Variants in APCDD1L observed in about 807,000 individuals in gnomAD.
APCDD1L encodes the protein APC down-regulated 1 like, also known as protein APCDD1-like.
APCDD1L carries 21 observed loss-of-function variants against 24.2 expected under a neutral mutation model. The ratio of observed to expected loss-of-function variants is 0.87; its 90% CI spans 0.61 to 1.25. The LOEUF (loss-of-function observed/expected upper bound fraction) is 1.25. Among genes scored for constraint, APCDD1L ranks in the 50% most tolerant of loss-of-function variants. The pLI is 0.00. For synonymous variants in APCDD1L, 321 were observed against 323.6 expected, an observed-to-expected ratio of 0.99 and a Z score of 0.09; for missense variants, 704 against 711.7, an observed-to-expected ratio of 0.99 and a Z score of 0.12.
At chr20:58,464,546 G>C (rs80321710) in intron 3 of APCDD1L, among the ~76,000 whole-genome samples, 1 of 152,162 alleles carries the variant, frequency 6.6e-6, no homozygotes, top group East Asian at 1.9e-4. Flanking sequence ...ACTCTTACTC[G>C]TTTAAGCCTG....
At position 58,467,015 on chromosome 20, in the gene APCDD1L, C is replaced by T. The variant is rs1989718141; in HGVS notation, c.741+91G>A. The T allele has an allele frequency of 6.8e-7, 1 of 1,468,000 alleles. No individual in the cohort carries two copies. The highest frequency in any genetic ancestry group is 9.0e-7 in the Non-Finnish European group (1 of 1,110,222). 90.9% of individuals were successfully genotyped at this position (1,468,000 alleles called of 1,614,324 possible). A position where few individuals can be genotyped will look rare whatever the true frequency, so the allele number is the denominator to read the frequency against. On this transcript the variant is annotated intron_variant, in intron 3 of 3. Coordinates refer to ENST00000371149, the MANE Select transcript of APCDD1L (RefSeq NM_153360.3). The surrounding 1 kb of genome is among the most constrained non-coding windows in gnomAD (Gnocchi z 5.9). ...CCGGGCAGCCAGAGCCCTGGGCAGG[C>T]CCAGGTCTTGCAAAGCTGCGGGGCT...
intron 1 of APCDD1L, among the ~76,000 whole-genome samples, chr20:58,507,451 T>A (rs1476556223): frequency 6.6e-6 from 1 of 151,998 alleles, no homozygotes; most frequent in Non-Finnish European, 1.5e-5. Context: ...TTCTCTGAGG[T>A]AAGTTGGTCT....
rs1426477286 is a variant in APCDD1L at position 58,460,019 on chromosome 20, C to A, written c.*771G>T. The A allele has an allele frequency of 6.6e-6, 1 of 152,354 alleles. No homozygotes were observed. The highest frequency in any genetic ancestry group is 6.5e-5 in the Admixed American group (1 of 15,288). The allele number at this position is 152,354 out of a possible 1,614,324, so 9.4% of individuals were successfully genotyped here. ...TGCCTGGGCCAGGAAGGCTTGGAGG[C>A]CGCAGGCTGCTCTGGGGAGGCCATG... On this transcript the variant is annotated 3_prime_UTR_variant, in exon 4 of 4. Transcript: ENST00000371149. The surrounding 1 kb of genome is among the most constrained non-coding windows in gnomAD (Gnocchi z 4.2).
chr20:58,510,282 G>C (rs1990601893), intron 1 of APCDD1L, among the ~76,000 whole-genome samples: 1 of 152,196 alleles, frequency 6.6e-6, no homozygotes, highest in Admixed American at 6.5e-5. Flanking sequence ...ACATACACAG[G>C]AGGGCACACA....
intron 3 of APCDD1L, among the ~76,000 whole-genome samples, chr20:58,463,920 A>G (rs1436873578): frequency 7.8e-6 from 1 of 127,484 alleles, no homozygotes; most frequent in Non-Finnish European, 1.7e-5. Context: ...CACATTTTAT[A>G]AGCTGTTATT....
rs1386638606 is a variant in APCDD1L, at chr20:58,460,103, T to A, written c.*687A>T. On this transcript the variant is annotated 3_prime_UTR_variant, in exon 4 of 4. Transcript: ENST00000371149. The surrounding 1 kb of genome is among the most constrained non-coding windows in gnomAD (Gnocchi z 4.2). ...CATGCTGGCCCGGGAAAACTGGATT[T>A]ATCCACATGCAGTGTTGGCAGCTTG... 1 of 152,194 alleles carries A rather than the reference T, an allele frequency of 6.6e-6. No homozygotes were observed. The highest frequency in any genetic ancestry group is 2.4e-5 in the African/African-American group (1 of 41,414). The allele number at this position is 152,194 out of a possible 1,614,324, so 9.4% of individuals were successfully genotyped here.
rs115590471 is a variant in APCDD1L, at chr20:58,497,878, C to T, written c.49+16781G>A. Among the ~76,000 whole-genome samples, 141 of 152,292 alleles carry T rather than the reference C, an allele frequency of 9.3e-4. No individual in the cohort carries two copies. Among genetic ancestry groups the T allele is most frequent in the Middle Eastern group, 6.8e-3 (2 of 294 alleles). On this transcript the variant is annotated intron_variant, in intron 1 of 3. Transcript: ENST00000371149. The surrounding 1 kb of genome is among the most constrained non-coding windows in gnomAD (Gnocchi z 4.3). Reference sequence around the variant, plus strand: ...AAAAGCTAAGTCTCATGCAGAGAAGCAGAATTCCCTGTACACACACCTCAA... The same window carrying T: ...AAAAGCTAAGTCTCATGCAGAGAAGTAGAATTCCCTGTACACACACCTCAA...
rs1990708936 is a variant in APCDD1L, at chr20:58,514,809, C to T, written c.-102G>A. 6.2e-6 allele frequency: 6 copies of T among 970,150 alleles called. No homozygotes were observed. The highest frequency in any genetic ancestry group is 3.4e-5 in the East Asian group (1 of 29,812). 60.1% of individuals were successfully genotyped at this position (970,150 alleles called of 1,614,324 possible). On this transcript the variant is annotated 5_prime_UTR_variant, in exon 1 of 4. Coordinates refer to ENST00000371149, the MANE Select transcript of APCDD1L (RefSeq NM_153360.3). ...ACGGCTGCGGGCGCCGGCGGCCAGG[C>T]TGGAGTCCTGCGAAGAAGTTGCGAG...
At position 58,467,155 on chromosome 20, in the gene APCDD1L, C is replaced by G. The variant is rs1422616285; in HGVS notation, c.692G>C (p.Arg231Thr). ...GTAGCCCGTGGGCCGGTAGTGCCGC[C>G]TCTCCGCCGGGTCGGTGTGGATGTC... ...LGDIHTDPAE[R>T]RHYRPTGYQR... The change falls in exon 3 of 4, where the codon AGG becomes ACG. Residue 231 changes from arginine (R) to threonine (T), a missense_variant. Physicochemically the swap from Arg to Thr is moderately conservative, Grantham distance 71 (BLOSUM62 -1). Coordinates refer to ENST00000371149, the MANE Select transcript of APCDD1L (RefSeq NM_153360.3). This position sits in a 1 kb window ranked among gnomAD's most constrained non-coding sequence, Gnocchi z 5.9. 1.9e-6 allele frequency: 3 copies of G among 1,608,178 alleles called. No homozygotes were observed. The highest frequency in any genetic ancestry group is 2.5e-6 in the Non-Finnish European group (3 of 1,179,554).
At chr20:58,506,745 T>G (rs1990533786) in intron 1 of APCDD1L, among the ~76,000 whole-genome samples, 1 of 152,230 alleles carries the variant, frequency 6.6e-6, no homozygotes, top group Non-Finnish European at 1.5e-5. Flanking sequence ...GTCTGTGGTC[T>G]TCTACTGCAA....
chr20:58,485,972 C>G, intron 1 of APCDD1L, among the ~76,000 whole-genome samples: 1 of 152,114 alleles, frequency 6.6e-6, no homozygotes, highest in African/African-American at 2.4e-5. Flanking sequence ...CCCCTGGCTC[C>G]TGGGAGAAGC....
At chr20:58,511,268 C>T (rs1040841547) in intron 1 of APCDD1L, among the ~76,000 whole-genome samples, 1 of 152,320 alleles carries the variant, frequency 6.6e-6, no homozygotes, top group Non-Finnish European at 1.5e-5. Flanking sequence ...TCTCAAGAGC[C>T]CCCCAACTCA....
chr20:58,486,845 G>T (rs1296715781), intron 1 of APCDD1L, among the ~76,000 whole-genome samples: 1 of 146,102 alleles, frequency 6.8e-6, no homozygotes, highest in Non-Finnish European at 1.5e-5. Flanking sequence ...AAAATTTACT[G>T]GAGGGAAGGT....
chr20:58,501,448 G>T (rs563038247), intron 1 of APCDD1L, among the ~76,000 whole-genome samples: 1 of 152,182 alleles, frequency 6.6e-6, no homozygotes, highest in African/African-American at 2.4e-5. Context: ...AATAATGGCC[G>T]TAGAGGGCAC....
intron 3 of APCDD1L, among the ~76,000 whole-genome samples, chr20:58,464,757 G>A (rs1989675861): frequency 6.6e-6 from 1 of 152,184 alleles, no homozygotes; most frequent in Non-Finnish European, 1.5e-5. Context: ...TCGTGGGCAA[G>A]GCGTGGGCCC....
At chr20:58,488,877 G>A (rs1990171237) in intron 1 of APCDD1L, among the ~76,000 whole-genome samples, 1 of 152,066 alleles carries the variant, frequency 6.6e-6, no homozygotes, top group Non-Finnish European at 1.5e-5. Context: ...TAATAAAATA[G>A]AAAACAAAGC....
chr20:58,459,229 C>G lies in APCDD1L; in HGVS notation c.*1561G>C, dbSNP rs1989549629. Reference sequence around the variant, plus strand: ...TCATCGACACCCACTGCCATCCCCACCAGGAGCTCCCCCAACCCTGATGTA... The same window carrying G: ...TCATCGACACCCACTGCCATCCCCAGCAGGAGCTCCCCCAACCCTGATGTA... On this transcript the variant is annotated 3_prime_UTR_variant, in exon 4 of 4. Coordinates refer to ENST00000371149, the MANE Select transcript of APCDD1L (RefSeq NM_153360.3). The G allele has an allele frequency of 6.6e-6, 1 of 152,234 alleles. No individual in the cohort carries two copies. Among genetic ancestry groups the G allele is most frequent in the South Asian group, 2.1e-4 (1 of 4,828 alleles). The allele number at this position is 152,234 out of a possible 1,614,324, so 9.4% of individuals were successfully genotyped here.
intron 1 of APCDD1L, among the ~76,000 whole-genome samples, chr20:58,493,357 A>G (rs1259638661): frequency 2.0e-5 from 3 of 152,240 alleles, no homozygotes; most frequent in African/African-American, 7.2e-5. Flanking sequence ...CATGACTGTG[A>G]TTTTGGTAAC....
At chr20:58,496,537 G>A (rs928949869) in intron 1 of APCDD1L, among the ~76,000 whole-genome samples, 2 of 152,274 alleles carry the variant, frequency 1.3e-5, no homozygotes, top group African/African-American at 2.4e-5. Context: ...CCTGGGAAGC[G>A]ACAGGGGAGA....
Sources: allele counts gnomAD v4.1 joint callset (sites outside exome capture counted in the v4.1 genomes callset), GRCh38; gene constraint gnomAD v4.1.1; non-coding constraint Gnocchi (gnomAD v3.1); transcripts MANE v1.5; gene names NCBI Gene and HGNC (gene_info 2026-07-23, HGNC 2026-07-21).